FAM169A: variants seen among roughly 807,000 people sequenced by gnomAD.
FAM169A encodes family with sequence similarity 169 member A.
Under a neutral mutation model 75.7 loss-of-function variants are expected in FAM169A, and 24 were observed. The ratio of observed to expected loss-of-function variants is 0.32; its 90% CI spans 0.23 to 0.45. The LOEUF is 0.45. Among genes scored for constraint, FAM169A ranks in the 20% least tolerant of loss-of-function variants. FAM169A has a pLI of 1.00. For missense variants in FAM169A, 673 were observed against 784.0 expected (o/e 0.86, Z 1.69); for synonymous variants, 271 against 271.0 (o/e 1.00, Z 0.00).
At chr5:74,831,934 T>G (rs541709723) in intron 5 of FAM169A, among the ~76,000 whole-genome samples, 1 of 152,144 alleles carries the variant, frequency 6.6e-6, no homozygotes, top group Non-Finnish European at 1.5e-5. Flanking sequence ...ATGTTCTTTT[T>G]CAAAAATATT....
At chr5:74,811,664 T>C (rs1747201735) in intron 6 of FAM169A, among the ~76,000 whole-genome samples, 1 of 152,248 alleles carries the variant, frequency 6.6e-6, no homozygotes, top group African/African-American at 2.4e-5. Flanking sequence ...CTAGGTTAAT[T>C]ACTATCCAGA....
At chr5:74,866,762 T>G (rs1051126802), upstream of FAM169A, 2 of 985,390 alleles carry the variant, frequency 2.0e-6, no homozygotes, top group African/African-American at 3.5e-5. Flanking sequence ...TTCGCAGGAT[T>G]CTGTTCGCAT....
At chr5:74,793,016 G>C (rs1746058477) in intron 11 of FAM169A, among the ~76,000 whole-genome samples, 1 of 152,192 alleles carries the variant, frequency 6.6e-6, no homozygotes, top group Admixed American at 6.5e-5. Context: ...ATCAACCAGT[G>C]AGTAGATAAA....
rs766545626 is a variant in FAM169A, at chr5:74,781,838, G to A, written c.1635C>T (p.Asn545=). ...NEERSDGGFP[N]SVIAEFSEEP... is the part of the protein sequence containing the mutation. ...CTTCGGAAAATTCAGCTATCACAGA[G>A]TTTGGAAAACCACCATCAGATCGTT... is the stretch of plus-strand genomic sequence containing the variant. Residue 545 remains asparagine (N), a synonymous_variant, in exon 13 of 13, where the codon AAC becomes AAT. Transcript: ENST00000687041. 8.7e-6 allele frequency: 14 copies of A among 1,614,086 alleles called. No individual in the cohort carries two copies. Among genetic ancestry groups the A allele is most frequent in the Admixed American group, 3.3e-5 (2 of 60,016 alleles).
intron 1 of FAM169A, among the ~76,000 whole-genome samples, chr5:74,846,734 T>C (rs569875093): frequency 6.6e-6 from 1 of 152,314 alleles, no homozygotes; most frequent in South Asian, 2.1e-4. Flanking sequence ...CCAGCTAGTC[T>C]GTATTTTTTA....
chr5:74,801,141 T>C, intron 9 of FAM169A, 111 bp from the exon 10 acceptor site: 1 of 747,994 alleles, frequency 1.3e-6, no homozygotes, highest in Middle Eastern at 3.0e-4. Flanking sequence ...ATCCTCCACA[T>C]TACACAGGTT....
At chr5:74,798,659 A>C (rs1475719829) in intron 10 of FAM169A, among the ~76,000 whole-genome samples, 1 of 152,244 alleles carries the variant, frequency 6.6e-6, no homozygotes, top group Non-Finnish European at 1.5e-5. Context: ...ACTCAGGAAC[A>C]GTTGGCAGAA....
At chr5:74,851,819 CAA>C (rs1749459048) in intron 1 of FAM169A, among the ~76,000 whole-genome samples, 1 of 152,062 alleles carries the variant, frequency 6.6e-6, no homozygotes, top group Non-Finnish European at 1.5e-5. Context: ...TCAACACTGA[CAA>C]TATAAAATTT....
intron 1 of FAM169A, chr5:74,865,273 G>A (rs1750257229): frequency 6.6e-6 from 1 of 152,150 alleles, no homozygotes. Flanking sequence ...TTTCCCTTCT[G>A]GAAATTTTTT....
At chr5:74,831,343 C>T (rs1748301353) in intron 5 of FAM169A, among the ~76,000 whole-genome samples, 1 of 152,124 alleles carries the variant, frequency 6.6e-6, no homozygotes, top group East Asian at 1.9e-4. Context: ...AGCGAAGTTT[C>T]TAAAGAATAG....
intron 1 of FAM169A, among the ~76,000 whole-genome samples, chr5:74,844,483 A>G (rs906548556): frequency 3.3e-5 from 5 of 151,970 alleles, no homozygotes; most frequent in African/African-American, 1.2e-4. Context: ...AAAAAAGAAA[A>G]GAAAAGAAAA....
At chr5:74,832,174 T>A (rs1414013240) in intron 5 of FAM169A, among the ~76,000 whole-genome samples, 1 of 151,848 alleles carries the variant, frequency 6.6e-6, no homozygotes, top group Non-Finnish European at 1.5e-5. Context: ...AAACATCATA[T>A]AAATAATGAG....
chr5:74,847,906 C>T (rs528670011), intron 1 of FAM169A, among the ~76,000 whole-genome samples: 1 of 152,200 alleles, frequency 6.6e-6, no homozygotes, highest in South Asian at 2.1e-4. Flanking sequence ...CAGAGTCTGA[C>T]AATTTAGATA....
intron 3 of FAM169A, 67 bp from the exon 4 acceptor site, chr5:74,839,117 T>C: frequency 9.4e-7 from 1 of 1,067,664 alleles, no homozygotes; most frequent in African/African-American, 1.6e-5. Context: ...AATAAGGCCA[T>C]ATTGTACTAT....
Position 74,801,041 on chromosome 5 carries a change from A to G in FAM169A, c.953-11T>C. Reference sequence around the variant, plus strand: ...ATGTTTTATCATGACCTGAGGAGAAAAACAGCAAAACTGCACTTAATTGAT... The same window carrying G: ...ATGTTTTATCATGACCTGAGGAGAAGAACAGCAAAACTGCACTTAATTGAT... On this transcript the variant is annotated splice_polypyrimidine_tract_variant and intron_variant, in intron 9 of 12. Transcript: ENST00000687041. The G allele has an allele frequency of 1.3e-6, 2 of 1,521,290 alleles. No homozygotes were observed. Among genetic ancestry groups the G allele is most frequent in the South Asian group, 1.3e-5 (1 of 75,774 alleles). 94.2% of individuals were successfully genotyped at this position (1,521,290 alleles called of 1,614,324 possible). A position where few individuals can be genotyped will look rare whatever the true frequency, so the allele number is the denominator to read the frequency against.
chr5:74,817,344 A>T (rs1580120594), intron 5 of FAM169A, among the ~76,000 whole-genome samples: 1 of 152,170 alleles, frequency 6.6e-6, no homozygotes, highest in African/African-American at 2.4e-5. Flanking sequence ...TATTAAGTTC[A>T]GCAAGGTTGC....
intron 5 of FAM169A, among the ~76,000 whole-genome samples, chr5:74,824,089 C>T (rs1205996258): frequency 6.6e-6 from 1 of 152,072 alleles, no homozygotes; most frequent in East Asian, 1.9e-4. Context: ...CATTACAAAT[C>T]ACCTCAAATG....
intron 6 of FAM169A, among the ~76,000 whole-genome samples, chr5:74,808,312 T>C (rs989015735): frequency 2.0e-5 from 3 of 152,226 alleles, no homozygotes; most frequent in African/African-American, 7.2e-5. Flanking sequence ...GGAATTTTGA[T>C]ACTGTATATG....
intron 1 of FAM169A, among the ~76,000 whole-genome samples, chr5:74,858,443 T>C (rs532484250): frequency 5.9e-5 from 9 of 152,224 alleles, no homozygotes; most frequent in African/African-American, 2.2e-4. Context: ...CATGGATGCA[T>C]GCAGATGGAG....
Sources: allele counts gnomAD v4.1 joint callset (sites outside exome capture counted in the v4.1 genomes callset), GRCh38; gene constraint gnomAD v4.1.1; transcripts MANE v1.5; gene names NCBI Gene and HGNC (gene_info 2026-07-23, HGNC 2026-07-21).